The following EIF4G3 variants were observed in gnomAD, a reference collection of about 807,000 sequenced individuals.
EIF4G3 encodes eukaryotic translation initiation factor 4 gamma 3, also known as eIF-4-gamma 3.
In EIF4G3, 34 loss-of-function variants were observed where a neutral mutation model predicts 186.4. That is an observed-to-expected ratio of 0.18 (90% CI 0.14 to 0.24). EIF4G3 has a LOEUF of 0.24. Ranked by LOEUF, EIF4G3 falls within the 10% of genes least tolerant of loss-of-function variation. The probability of loss-of-function intolerance (pLI) is 1.00; values close to 1 mark genes in which losing one functional copy is unlikely to be tolerated. For synonymous variants in EIF4G3, 673 were observed against 679.5 expected (o/e 0.99, Z 0.15); for missense variants, 1,536 against 1,948.5 (o/e 0.79, Z 3.99).
chr1:21,140,591 T>G (rs1558150395), intron 2 of EIF4G3, among the ~76,000 whole-genome samples: 1 of 152,230 alleles, frequency 6.6e-6, no homozygotes, highest in Non-Finnish European at 1.5e-5. Flanking sequence ...ATTATAGGCG[T>G]GAGCCACCAC....
intron 3 of EIF4G3, among the ~76,000 whole-genome samples, chr1:21,065,397 CAAAA>C (rs3081969): frequency 2.4e-5 from 3 of 124,072 alleles, no homozygotes; most frequent in Non-Finnish European, 3.3e-5. Context: ...TTGTTTCTAC[CAAAA>C]AAAAAAAAAA....
Position 21,131,823 on chromosome 1 carries a change from G to A in EIF4G3, c.-271-42610C>T, listed in dbSNP as rs897590424. On this transcript the variant is annotated intron_variant, in intron 2 of 36. Transcript: ENST00000602326. ...CCCATCTCTACAAGAAACAGAAAAC[G>A]TTGCCAGGTGTGGTCATGTGTGCCT... Among the ~76,000 whole-genome samples the A allele has an allele frequency of 1.4e-4, 22 of 151,922 alleles. 1 individual carries two copies. The highest frequency in any genetic ancestry group is 2.6e-4 in the Non-Finnish European group (18 of 67,974).
At chr1:21,136,712 C>T (rs1211457589) in intron 2 of EIF4G3, among the ~76,000 whole-genome samples, 2 of 152,150 alleles carry the variant, frequency 1.3e-5, no homozygotes, top group Non-Finnish European at 2.9e-5. Flanking sequence ...ATAGGTATTG[C>T]CTGTCATATA....
chr1:21,090,090 G>A (rs2096134904), intron 2 of EIF4G3, among the ~76,000 whole-genome samples: 1 of 152,132 alleles, frequency 6.6e-6, no homozygotes, highest in African/African-American at 2.4e-5. Context: ...AAATACAGTA[G>A]TACATCCACT....
At chr1:20,971,779 A>G (rs2075944476) in intron 11 of EIF4G3, among the ~76,000 whole-genome samples, 1 of 152,122 alleles carries the variant, frequency 6.6e-6, no homozygotes, top group African/African-American at 2.4e-5. Flanking sequence ...AATTATAGGC[A>G]CGAGCCTCCA....
rs116473854 is a variant in EIF4G3 at position 21,056,025 on chromosome 1, G to T, written c.-195-5031C>A. 7.2e-3 allele frequency among the ~76,000 whole-genome samples: 1,091 copies of T among 152,194 alleles called. 11 individuals are homozygous for T. Among genetic ancestry groups the T allele is most frequent in the Middle Eastern group, 0.031 (9 of 294 alleles). On this transcript the variant is annotated intron_variant, in intron 3 of 36. Coordinates refer to ENST00000602326, the MANE Select transcript of EIF4G3 (RefSeq NM_001391906.1). ...CCCCATAAAACACAAATGTTTGAGA[G>T]AAAGAGAAAAAGCATTGTGCCAAAG...
intron 22 of EIF4G3, among the ~76,000 whole-genome samples, chr1:20,863,206 A>G (rs1263053666): frequency 1.3e-5 from 2 of 151,974 alleles, no homozygotes; most frequent in Non-Finnish European, 2.9e-5. Context: ...ATAAATGGAA[A>G]TGTTATGCTA....
intron 4 of EIF4G3, among the ~76,000 whole-genome samples, chr1:21,028,295 C>T (rs910955014): frequency 6.6e-6 from 1 of 152,074 alleles, no homozygotes. Flanking sequence ...GTGCTATTTG[C>T]ATTTTAACAC....
chr1:21,076,091 C>T (rs904555975), intron 3 of EIF4G3, among the ~76,000 whole-genome samples: 1 of 152,094 alleles, frequency 6.6e-6, no homozygotes, highest in East Asian at 1.9e-4. Context: ...ACCACTTAGG[C>T]CACAAAACAA....
At chr1:21,042,087 G>C (rs1315524937) in intron 4 of EIF4G3, among the ~76,000 whole-genome samples, 1 of 151,768 alleles carries the variant, frequency 6.6e-6, no homozygotes, top group African/African-American at 2.4e-5. Flanking sequence ...TCTGGACTCA[G>C]GGGATGCTCC....
intron 29 of EIF4G3, among the ~76,000 whole-genome samples, chr1:20,842,242 A>G (rs1401692496): frequency 1.3e-5 from 2 of 152,202 alleles, no homozygotes; most frequent in Non-Finnish European, 2.9e-5. Context: ...TGCTGAGTCC[A>G]GTTGAGAACC....
At chr1:20,853,760 G>A (rs2074059265) in intron 26 of EIF4G3, 83 bp from the exon 27 acceptor site, 2 of 965,390 alleles carry the variant, frequency 2.1e-6, no homozygotes, top group Non-Finnish European at 3.3e-6. Context: ...CCTAGGTGAG[G>A]CCTGAGACCA....
chr1:21,174,640 C>A (rs1478133551), intron 2 of EIF4G3: 10 of 152,194 alleles, frequency 6.6e-5, no homozygotes, highest in Admixed American at 5.9e-4. Context: ...AGATTCAACA[C>A]TGAACTCTGC....
chr1:21,089,138 C>T lies in EIF4G3; in HGVS notation c.-196G>A, dbSNP rs372603974. Reference sequence around the variant, plus strand: ...AATTTGACAACCTTCAGACACTCACCGTGCTGTAGACTGCTGAGACAGCGG... The same window carrying T: ...AATTTGACAACCTTCAGACACTCACTGTGCTGTAGACTGCTGAGACAGCGG... On this transcript the variant is annotated splice_region_variant and 5_prime_UTR_variant, in exon 3 of 37. Transcript: ENST00000602326. The T allele has an allele frequency of 1.1e-5, 8 of 716,858 alleles. No homozygotes were observed. The highest frequency in any genetic ancestry group is 5.4e-5 in the East Asian group (2 of 37,220). The allele number at this position is 716,858 out of a possible 1,614,324, so 44.4% of individuals were successfully genotyped here.
intron 4 of EIF4G3, among the ~76,000 whole-genome samples, chr1:21,009,720 T>A (rs555052766): frequency 2.6e-5 from 4 of 151,864 alleles, no homozygotes. Context: ...AGTGGCACGA[T>A]CTCGGCTCAC....
chr1:21,024,743 A>G (rs1419865680), intron 4 of EIF4G3, among the ~76,000 whole-genome samples: 1 of 149,408 alleles, frequency 6.7e-6, no homozygotes, highest in Admixed American at 6.7e-5. Flanking sequence ...AATCAGGGAC[A>G]CAAACACTGC....
At chr1:20,815,649 TGG>T (rs769275151) in intron 34 of EIF4G3, among the ~76,000 whole-genome samples, 18 of 127,040 alleles carry the variant, frequency 1.4e-4, no homozygotes, top group South Asian at 2.7e-4. Flanking sequence ...GGGAGGGAGG[TGG>T]GGGGGGGTCA....
intron 16 of EIF4G3, 47 bp downstream of exon 16, chr1:20,899,650 G>C (rs1326245505): frequency 6.3e-7 from 1 of 1,598,130 alleles, no homozygotes; most frequent in Non-Finnish European, 8.5e-7. Flanking sequence ...CTCTAAGGTT[G>C]CAGTAGAGGG....
At chr1:21,063,768 G>A (rs995752261) in intron 3 of EIF4G3, among the ~76,000 whole-genome samples, 1 of 150,816 alleles carries the variant, frequency 6.6e-6, no homozygotes, top group African/African-American at 2.4e-5. Flanking sequence ...GGAGTGCAGT[G>A]GTGCAATCTT....
Sources: gnomAD v4.1 joint callset for allele counts (sites outside exome capture counted in the v4.1 genomes callset) on GRCh38, gnomAD v4.1.1 for gene constraint, MANE v1.5 for transcripts, NCBI Gene and HGNC (gene_info 2026-07-23, HGNC 2026-07-21) for gene names.